FOXK2: variants seen among roughly 807,000 people sequenced by gnomAD.
FOXK2 encodes the protein forkhead box protein K2.
A neutral mutation model predicts 53.3 loss-of-function variants in FOXK2; 24 were observed. That is an observed-to-expected ratio of 0.45 (90% confidence interval 0.33 to 0.63). FOXK2 has a LOEUF of 0.63. Ranked by LOEUF, FOXK2 falls within the 30% of genes least tolerant of loss-of-function variation. FOXK2 has a pLI of 0.03. For missense variants in FOXK2, 952 were observed against 910.5 expected (o/e 1.05, Z -0.59); for synonymous variants, 505 against 407.1 (o/e 1.24, Z -2.89).
In FOXK2 at chr17:82,576,662, C is replaced by T. The variant is rs996675657; in HGVS notation, c.909+4792C>T. ...CTGGCACAGAAGATGATTGACACAA[C>T]GAAGTCACCACTAAGCCACTGCTTA... On this transcript the variant is annotated intron_variant, in intron 4 of 8. Coordinates refer to ENST00000335255, the MANE Select transcript of FOXK2 (RefSeq NM_004514.4). 9.5e-6 allele frequency: 11 copies of T among 1,160,580 alleles called. No homozygotes were observed. The African/African-American group carries it at 1.1e-4, about 11-fold the overall frequency. The allele number at this position is 1,160,580 out of a possible 1,614,324, so 71.9% of individuals were successfully genotyped here.
At chr17:82,537,216 A>G (rs2044529146) in intron 1 of FOXK2, among the ~76,000 whole-genome samples, 1 of 152,212 alleles carries the variant, frequency 6.6e-6, no homozygotes, top group Non-Finnish European at 1.5e-5. Flanking sequence ...TGAGAAATTC[A>G]GATACTTGTT....
rs998256321 is a variant in FOXK2, at chr17:82,601,207, G to T, written c.1787-96G>T. ...GCGAGAGTTCACATGAGAGCGTGGG[G>T]TTCTGACTCGCGAGGGTTCACGTGA... On this transcript the variant is annotated intron_variant, in intron 8 of 8. Coordinates refer to ENST00000335255, the MANE Select transcript of FOXK2 (RefSeq NM_004514.4). 5.3e-6 allele frequency: 7 copies of T among 1,316,550 alleles called. No homozygotes were observed. The African/African-American group carries it at 8.7e-5, about 16-fold the overall frequency. 81.6% of individuals were successfully genotyped at this position (1,316,550 alleles called of 1,614,324 possible).
chr17:82,560,314 G>A (rs943538087), intron 1 of FOXK2, among the ~76,000 whole-genome samples: 2 of 152,052 alleles, frequency 1.3e-5, no homozygotes, highest in Non-Finnish European at 2.9e-5. Context: ...GGCCCTTCTC[G>A]CTGTTATTTA....
intron 1 of FOXK2, among the ~76,000 whole-genome samples, chr17:82,533,377 C>T (rs1027208891): frequency 1.3e-5 from 2 of 151,986 alleles, no homozygotes; most frequent in African/African-American, 4.8e-5. Context: ...GTAATCCCAG[C>T]TACTCGGGAG....
At position 82,603,372 on chromosome 17, in the gene FOXK2, C is replaced by G. The variant is rs2045409119; in HGVS notation, c.*1873C>G. The G allele has an allele frequency of 1.3e-5, 2 of 152,224 alleles. No individual in the cohort carries two copies. The highest frequency in any genetic ancestry group is 4.8e-5 in the African/African-American group (2 of 41,458). The allele number at this position is 152,224 out of a possible 1,614,324, so 9.4% of individuals were successfully genotyped here. A position where few individuals can be genotyped will look rare whatever the true frequency, so the allele number is the denominator to read the frequency against. ...TTCTGCTCTGTCCTGTGTGTGGGGT[C>G]AGCTCCCTCCACAGAGGGCTCCAGC... On this transcript the variant is annotated 3_prime_UTR_variant, in exon 9 of 9. Transcript: ENST00000335255.
chr17:82,586,711 G>C (rs913121031), intron 7 of FOXK2, among the ~76,000 whole-genome samples: 2 of 152,088 alleles, frequency 1.3e-5, no homozygotes, highest in African/African-American at 2.4e-5. Flanking sequence ...AGACCAGCCT[G>C]ACCAACACGG....
chr17:82,525,206 G>A (rs903834490), intron 1 of FOXK2, among the ~76,000 whole-genome samples: 4 of 151,810 alleles, frequency 2.6e-5, no homozygotes, highest in Non-Finnish European at 5.9e-5. Context: ...ATCTTGCTTT[G>A]TTGCCCAGGT....
At chr17:82,521,829 A>G (rs527964049) in intron 1 of FOXK2, among the ~76,000 whole-genome samples, 6 of 150,732 alleles carry the variant, frequency 4.0e-5, no homozygotes, top group African/African-American at 1.2e-4. Context: ...AGTCCCAGCT[A>G]CTCAGGAGGC....
intron 1 of FOXK2, among the ~76,000 whole-genome samples, chr17:82,540,115 T>A (rs1053654430): frequency 6.6e-6 from 1 of 152,088 alleles, no homozygotes; most frequent in Non-Finnish European, 1.5e-5. Flanking sequence ...AACCTGTCTC[T>A]ACTAAAAATA....
In FOXK2 at chr17:82,534,877, G is replaced by C. The variant is rs952662955; in HGVS notation, c.419+14570G>C. 2.0e-5 allele frequency among the ~76,000 whole-genome samples: 3 copies of C among 152,210 alleles called. No homozygotes were observed. In the East Asian group the frequency reaches 5.8e-4, roughly 29 times the overall value. On this transcript the variant is annotated intron_variant, in intron 1 of 8. Coordinates refer to ENST00000335255, the MANE Select transcript of FOXK2 (RefSeq NM_004514.4). ...CAAATCTACCTGTTAATTATTGAGT[G>C]CTGAAAAACACACATTTTTTGGGGG... is the stretch of plus-strand genomic sequence containing the variant.
intron 4 of FOXK2, among the ~76,000 whole-genome samples, chr17:82,579,908 A>G (rs1318536926): frequency 8.7e-6 from 1 of 115,602 alleles, no homozygotes; most frequent in Non-Finnish European, 1.8e-5. Context: ...CTCCATCCAC[A>G]GGGCCCAGAT....
chr17:82,539,465 A>T (rs2044553555), intron 1 of FOXK2, among the ~76,000 whole-genome samples: 1 of 150,252 alleles, frequency 6.7e-6, no homozygotes, highest in African/African-American at 2.5e-5. Context: ...TGGACAACAT[A>T]GATGGACCCT....
intron 7 of FOXK2, 104 bp downstream of exon 7, chr17:82,586,304 CCGGGGG>C (rs2045153782): frequency 5.2e-5 from 6 of 116,016 alleles, no homozygotes; most frequent in East Asian, 4.0e-4. Context: ...CAAAGGTGGG[CCGGGGG>C]GGAAAGGAGG....
At chr17:82,526,286 AG>A (rs770110161) in intron 1 of FOXK2, among the ~76,000 whole-genome samples, 8 of 152,120 alleles carry the variant, frequency 5.3e-5, no homozygotes, top group Non-Finnish European at 1.0e-4. Context: ...AGTAAGAAGG[AG>A]GGGGTCCTGG....
rs2044518138 is a variant in FOXK2, at chr17:82,536,101, C to T, written c.419+15794C>T. On this transcript the variant is annotated intron_variant, in intron 1 of 8. Coordinates refer to ENST00000335255, the MANE Select transcript of FOXK2 (RefSeq NM_004514.4). ...CCGTGTTGGCCAGGCTGGTCTCAAA[C>T]TCCTCACCTCAGGTGATCTGCCCAT... 2.6e-5 allele frequency among the ~76,000 whole-genome samples: 4 copies of T among 152,076 alleles called. No individual in the cohort carries two copies. In the South Asian group the frequency reaches 8.3e-4, roughly 32 times the overall value.
At chr17:82,569,763 C>T (rs1472728746) in intron 3 of FOXK2, among the ~76,000 whole-genome samples, 3 of 152,016 alleles carry the variant, frequency 2.0e-5, no homozygotes, top group South Asian at 2.1e-4. Flanking sequence ...CACAGCTGCT[C>T]GGGAGGCTGA....
intron 1 of FOXK2, among the ~76,000 whole-genome samples, chr17:82,544,949 C>T (rs373183933): frequency 6.6e-6 from 1 of 151,316 alleles, no homozygotes; most frequent in Non-Finnish European, 1.5e-5. Flanking sequence ...TCTGCGTTTA[C>T]GGAGATGGAA....
At chr17:82,528,306 T>C (rs1026715308) in intron 1 of FOXK2, among the ~76,000 whole-genome samples, 2 of 152,172 alleles carry the variant, frequency 1.3e-5, no homozygotes, top group Admixed American at 1.3e-4. Flanking sequence ...TATTCCTGCT[T>C]TGTTGAAGAG....
At chr17:82,590,009 G>A (rs957287195) in intron 8 of FOXK2, among the ~76,000 whole-genome samples, 6 of 151,302 alleles carry the variant, frequency 4.0e-5, no homozygotes, top group Non-Finnish European at 8.8e-5. Flanking sequence ...TCAGACCACT[G>A]CACTCCAGCC....
Sources: gnomAD v4.1 joint callset for allele counts (sites outside exome capture counted in the v4.1 genomes callset) on GRCh38, gnomAD v4.1.1 for gene constraint, MANE v1.5 for transcripts, NCBI Gene and HGNC (gene_info 2026-07-23, HGNC 2026-07-21) for gene names.